Variants in SLC17A5 observed in about 807,000 individuals in gnomAD.
The protein encoded by SLC17A5 is sialin.
In SLC17A5, 47 loss-of-function variants were observed where a neutral mutation model predicts 59.4. The ratio of observed to expected loss-of-function variants is 0.79; its 90% confidence interval spans 0.63 to 1.01. The LOEUF is 1.01. Ranked by LOEUF, SLC17A5 falls within the 50% of genes least tolerant of loss-of-function variation. SLC17A5 has a pLI of 0.00. For missense variants in SLC17A5, 522 were observed against 595.5 expected (o/e 0.88, Z 1.28); for synonymous variants, 202 against 210.7 (o/e 0.96, Z 0.36).
chr6:73,631,349 C>A (rs1384708711), intron 6 of SLC17A5, among the ~76,000 whole-genome samples: 3 of 151,740 alleles, frequency 2.0e-5, no homozygotes, highest in Admixed American at 6.6e-5. Flanking sequence ...ACAAAAAATG[C>A]GAAACATCTT....
At chr6:73,608,871 T>C (rs1211456819) in intron 9 of SLC17A5, among the ~76,000 whole-genome samples, 1 of 152,036 alleles carries the variant, frequency 6.6e-6, no homozygotes, top group Non-Finnish European at 1.5e-5. Context: ...TTTTGAAAAA[T>C]TAACCAGGCA....
At position 73,636,710 on chromosome 6, in the gene SLC17A5, A is replaced by G. The variant is rs1332515168; in HGVS notation, c.614-3T>C. Reference sequence around the variant, plus strand: ...AATTACTGTCCCAAGCTGTGCTCCTAGAACAACACATAAGACTATTTTATA... The same window carrying G: ...AATTACTGTCCCAAGCTGTGCTCCTGGAACAACACATAAGACTATTTTATA... On this transcript the variant is annotated splice_region_variant and splice_polypyrimidine_tract_variant and intron_variant, in intron 4 of 10. Transcript: ENST00000355773. 1 of 1,592,792 alleles carries G rather than the reference A, an allele frequency of 6.3e-7. No individual in the cohort carries two copies. The highest frequency in any genetic ancestry group is 1.1e-5 in the South Asian group (1 of 90,620).
intron 9 of SLC17A5, among the ~76,000 whole-genome samples, chr6:73,601,609 G>C (rs1300226598): frequency 1.5e-4 from 15 of 98,658 alleles, no homozygotes; most frequent in African/African-American, 6.8e-4. Context: ...CCTGCTGCCC[G>C]GCCAGCCGCC....
Position 73,653,865 on chromosome 6 carries a change from G to A in SLC17A5, c.22C>T (p.Leu8=). 6.2e-7 allele frequency: 1 copy of A among 1,607,382 alleles called. No homozygotes were observed. The highest frequency in any genetic ancestry group is 1.7e-4 in the Middle Eastern group (1 of 6,032). The change falls in exon 1 of 11, where the codon CTG becomes TTG. Residue 8 remains leucine (L), a synonymous_variant. Transcript: ENST00000355773. ...CTCTCCTCGCCATCGTTCCGGGCCA[G>A]GTCTCGAACCGGAGACCTCATGACG... The part of the protein sequence containing the change: MRSPVRD[L]ARNDGEESTD...
At chr6:73,648,026 G>A (rs144244725) in intron 1 of SLC17A5, among the ~76,000 whole-genome samples, 231 of 152,092 alleles carry the variant, frequency 1.5e-3, no homozygotes, top group African/African-American at 5.3e-3. Flanking sequence ...CCGAGATCAC[G>A]CCATCGCACT....
intron 7 of SLC17A5, among the ~76,000 whole-genome samples, chr6:73,616,075 G>A (rs1767845303): frequency 6.6e-6 from 1 of 151,730 alleles, no homozygotes; most frequent in East Asian, 1.9e-4. Context: ...TATTAGAGAC[G>A]GAGTTTCACC....
intron 9 of SLC17A5, among the ~76,000 whole-genome samples, chr6:73,601,411 TG>T (rs1214857223): frequency 1.5e-3 from 140 of 95,680 alleles, no homozygotes; most frequent in African/African-American, 5.1e-3. Context: ...GGGAGGGAGG[TG>T]GGGGGGTCAG....
Position 73,621,821 on chromosome 6 carries a change from T to C in SLC17A5, c.961A>G (p.Arg321Gly), listed in dbSNP as rs1418387004. The C allele has an allele frequency of 6.2e-7, 1 of 1,610,394 alleles. No homozygotes were observed. The highest frequency in any genetic ancestry group is 8.5e-7 in the Non-Finnish European group (1 of 1,176,768). Reference sequence around the variant, plus strand: ...TTTCTTACCTCTTGAACATTGAACCTTAGGATCTCCTTCATATAAGTAGGC... The same window carrying C: ...TTTCTTACCTCTTGAACATTGAACCCTAGGATCTCCTTCATATAAGTAGGC... ...LLPTYMKEIL[R>G]FNVQENGFLS... The change falls in exon 7 of 11, where the codon AGG becomes GGG. Residue 321 changes from arginine (R) to glycine (G), a missense_variant. Coordinates refer to ENST00000355773, the MANE Select transcript of SLC17A5 (RefSeq NM_012434.5).
intron 4 of SLC17A5, among the ~76,000 whole-genome samples, chr6:73,638,079 C>T (rs1351127442): frequency 6.7e-6 from 1 of 149,952 alleles, no homozygotes; most frequent in Non-Finnish European, 1.5e-5. Flanking sequence ...TAAATAGCAT[C>T]TCTAAACAAA....
intron 6 of SLC17A5, among the ~76,000 whole-genome samples, chr6:73,627,923 T>C (rs1428866878): frequency 1.2e-5 from 1 of 86,464 alleles, no homozygotes; most frequent in Admixed American, 1.6e-4. Context: ...TGCCTGCCAC[T>C]TTTTTTTTTT....
chr6:73,627,138 G>A (rs1283803919), intron 6 of SLC17A5, among the ~76,000 whole-genome samples: 3 of 151,156 alleles, frequency 2.0e-5, no homozygotes, highest in East Asian at 3.9e-4. Context: ...GTGCAGTGTC[G>A]TGATCTCGGC....
chr6:73,596,047 C>A (rs985527902), intron 10 of SLC17A5, among the ~76,000 whole-genome samples: 2 of 151,676 alleles, frequency 1.3e-5, no homozygotes, highest in African/African-American at 4.8e-5. Context: ...CTCAAGTGAT[C>A]CACTCGCCTC....
At chr6:73,638,709 CCTGTAATCCCAGCA>C (rs904474978) in intron 3 of SLC17A5, among the ~76,000 whole-genome samples, 6 of 151,968 alleles carry the variant, frequency 3.9e-5, no homozygotes, top group Admixed American at 3.9e-4. Flanking sequence ...GTGGCTCATG[CCTGTAATCCCAGCA>C]CTTTGGGAGG....
Position 73,644,485 on chromosome 6 carries a change from A to G in SLC17A5, c.213T>C (p.Asn71=), listed in dbSNP as rs1769444571. Residue 71 remains asparagine, a synonymous_variant, in exon 2 of 11, where the codon AAT becomes AAC. Transcript: ENST00000355773. The part of the protein sequence containing the change: ...SVALVDMVDS[N]TTLEDNRTSK... ...AAGTTCTATTATCTTCTAAAGTTGT[A>G]TTTGAATCTACCATATCCACTAACG... The G allele has an allele frequency of 6.2e-7, 1 of 1,614,038 alleles. No individual in the cohort carries two copies. Among genetic ancestry groups the G allele is most frequent in the South Asian group, 1.1e-5 (1 of 91,080 alleles).
intron 2 of SLC17A5, 87 bp downstream of exon 2, chr6:73,644,320 C>T: frequency 1.9e-6 from 2 of 1,038,906 alleles, no homozygotes; most frequent in Non-Finnish European, 2.9e-6. Context: ...AGTATAGTTT[C>T]TGTAGGATGA....
chr6:73,653,445 T>C, intron 1 of SLC17A5: 2 of 985,392 alleles, frequency 2.0e-6, no homozygotes, highest in Non-Finnish European at 2.4e-6. Flanking sequence ...ACTGGGTCCC[T>C]TGCTCAGCAC....
chr6:73,610,656 C>T, intron 8 of SLC17A5, 109 bp from the exon 9 acceptor site: 1 of 1,188,332 alleles, frequency 8.4e-7, no homozygotes, highest in East Asian at 2.5e-5. Context: ...ACTGTAGAAA[C>T]ACTATATTGC....
intron 6 of SLC17A5, among the ~76,000 whole-genome samples, chr6:73,627,190 C>T (rs1490148615): frequency 1.3e-5 from 2 of 151,970 alleles, no homozygotes; most frequent in East Asian, 3.9e-4. Context: ...GATTCTCTTG[C>T]CTCAGCTTCC....
chr6:73,618,829 A>G (rs982358725), intron 7 of SLC17A5, among the ~76,000 whole-genome samples: 1 of 152,090 alleles, frequency 6.6e-6, no homozygotes, highest in Admixed American at 6.6e-5. Flanking sequence ...GGTTCAAGGA[A>G]TTCTCCTGCC....
Sources: gnomAD v4.1 joint callset for allele counts (sites outside exome capture counted in the v4.1 genomes callset) on GRCh38, gnomAD v4.1.1 for gene constraint, MANE v1.5 for transcripts, NCBI Gene and HGNC (gene_info 2026-07-23, HGNC 2026-07-21) for gene names.